PJA2: variants seen among roughly 807,000 people sequenced by gnomAD.
PJA2 encodes the protein praja ring finger ubiquitin ligase 2.
In PJA2, 25 loss-of-function variants were observed where a neutral mutation model predicts 69.3. That is an observed-to-expected ratio of 0.36 (90% CI 0.26 to 0.50). PJA2 has a LOEUF of 0.50. Ranked by LOEUF, PJA2 falls within the 20% of genes least tolerant of loss-of-function variation. The pLI is 0.96. For synonymous variants in PJA2, 308 were observed against 277.8 expected (o/e 1.11, Z -1.08); for missense variants, 809 against 830.2 (o/e 0.97, Z 0.31).
intron 7 of PJA2, among the ~76,000 whole-genome samples, chr5:109,347,870 CAGTAAATTT>C: frequency 6.6e-6 from 1 of 152,356 alleles, no homozygotes; most frequent in Non-Finnish European, 1.5e-5. Context: ...TTAATATTTA[CAGTAAATTT>C]TCCCTGTTCA....
At chr5:109,363,551 A>C (rs1762533359) in intron 5 of PJA2, among the ~76,000 whole-genome samples, 1 of 152,028 alleles carries the variant, frequency 6.6e-6, no homozygotes, top group South Asian at 2.1e-4. Context: ...TCTACCTAAA[A>C]TGTTCTTGCA....
chr5:109,398,420 T>C lies in PJA2; in HGVS notation c.-88+11422A>G, dbSNP rs1747465401. ...GACTGGATTAAGAAAATGTGGCACA[T>C]ATACACCATGCAATACTATGCAGCC... On this transcript the variant is annotated intron_variant, in intron 1 of 9. Coordinates refer to ENST00000361189, the MANE Select transcript of PJA2 (RefSeq NM_014819.5). Among the ~76,000 whole-genome samples, 3 of 151,996 alleles carry C rather than the reference T, an allele frequency of 2.0e-5. 1 individual carries two copies. Among genetic ancestry groups the C allele is most frequent in the South Asian group, 4.2e-4 (2 of 4,810 alleles).
intron 4 of PJA2, among the ~76,000 whole-genome samples, chr5:109,370,571 A>G (rs756657629): frequency 2.0e-5 from 3 of 152,208 alleles, no homozygotes; most frequent in Non-Finnish European, 2.9e-5. Context: ...GTGTTCTTTC[A>G]GCTGGGTCTA....
chr5:109,382,202 T>C (rs1403348131), intron 2 of PJA2, among the ~76,000 whole-genome samples: 2 of 152,172 alleles, frequency 1.3e-5, no homozygotes, highest in Non-Finnish European at 2.9e-5. Flanking sequence ...ATCTGTACCA[T>C]GAAGAATCAA....
At chr5:109,397,166 C>T (rs1238477531) in intron 1 of PJA2, among the ~76,000 whole-genome samples, 1 of 152,184 alleles carries the variant, frequency 6.6e-6, no homozygotes. Flanking sequence ...CAGCAGCCCT[C>T]ACCAAACACT....
intron 1 of PJA2, among the ~76,000 whole-genome samples, chr5:109,406,040 A>ATTT (rs35924063): frequency 2.9e-5 from 3 of 103,424 alleles, no homozygotes; most frequent in East Asian, 2.5e-4. Flanking sequence ...AGACAAACCC[A>ATTT]TTTTTTTTTT....
intron 1 of PJA2, chr5:109,390,638 C>T (rs1747261496): frequency 6.6e-6 from 1 of 151,940 alleles, no homozygotes; most frequent in Admixed American, 6.5e-5. Flanking sequence ...ATCATCTCAC[C>T]TGTCCTTTGT....
chr5:109,381,124 A>AAAG (rs1281602086), intron 3 of PJA2, among the ~76,000 whole-genome samples: 1 of 152,084 alleles, frequency 6.6e-6, no homozygotes, highest in Non-Finnish European at 1.5e-5. Context: ...AAAAAAAAAA[A>AAAG]AAGAAGAAGA....
At chr5:109,384,312 G>A (rs1460758893) in intron 1 of PJA2, among the ~76,000 whole-genome samples, 2 of 152,262 alleles carry the variant, frequency 1.3e-5, no homozygotes, top group Middle Eastern at 3.4e-3. Flanking sequence ...AAATAATGAT[G>A]TATTTATTCT....
chr5:109,341,821 A>G (rs1448794440), intron 9 of PJA2, among the ~76,000 whole-genome samples: 5 of 79,840 alleles, frequency 6.3e-5, no homozygotes, highest in Non-Finnish European at 1.0e-4. Context: ...TCCGGGAGGG[A>G]GGTGGGGGGG....
chr5:109,369,102 C>A (rs968683119), intron 4 of PJA2, among the ~76,000 whole-genome samples: 1 of 152,176 alleles, frequency 6.6e-6, no homozygotes, highest in Admixed American at 6.5e-5. Flanking sequence ...CTTCCTGAGG[C>A]ACCCCCAAGA....
rs558498681 is a variant in PJA2, at chr5:109,352,846, A to G, written c.1764+3069T>C. Among the ~76,000 whole-genome samples the G allele has an allele frequency of 4.0e-5, 6 of 150,640 alleles. No individual in the cohort carries two copies. In the South Asian group the frequency reaches 1.3e-3, roughly 31 times the overall value. On this transcript the variant is annotated intron_variant, in intron 7 of 9. Coordinates refer to ENST00000361189, the MANE Select transcript of PJA2 (RefSeq NM_014819.5). ...ATATCTATAGACATCTATATATTAG[A>G]TATCTACAATATCATAGACATCTAT...
chr5:109,401,790 A>C (rs561887538), intron 1 of PJA2, among the ~76,000 whole-genome samples: 1 of 152,322 alleles, frequency 6.6e-6, no homozygotes, highest in Non-Finnish European at 1.5e-5. Flanking sequence ...CCACTATAAC[A>C]CAGAAAATCA....
intron 1 of PJA2, among the ~76,000 whole-genome samples, chr5:109,399,911 C>T (rs1304559106): frequency 6.6e-6 from 1 of 151,620 alleles, no homozygotes; most frequent in Non-Finnish European, 1.5e-5. Flanking sequence ...AATGGAAATG[C>T]AAAAAATAAA....
At chr5:109,339,713 TCTAA>T (rs1381773986) in intron 9 of PJA2, among the ~76,000 whole-genome samples, 1 of 152,236 alleles carries the variant, frequency 6.6e-6, no homozygotes, top group Non-Finnish European at 1.5e-5. Flanking sequence ...TCTACTGAAT[TCTAA>T]CTTTCATTAG....
chr5:109,353,960 T>TGATATCTAGAGATATCTATAGATTAGATA lies in PJA2; in HGVS notation c.1764+1926_1764+1954dup, dbSNP rs1561345522. 1.1e-3 allele frequency among the ~76,000 whole-genome samples: 149 copies of TGATATCTAGAGATATCTATAGATTAGATA among 131,008 alleles called. 6 individuals carry two copies. Among genetic ancestry groups the TGATATCTAGAGATATCTATAGATTAGATA allele is most frequent in the African/African-American group, 2.2e-3 (80 of 35,686 alleles). The allele number at this position is 131,008 out of a possible 152,430, so 85.9% of individuals were successfully genotyped here. A position where few individuals can be genotyped will look rare whatever the true frequency, so the allele number is the denominator to read the frequency against. On this transcript the variant is annotated intron_variant, in intron 7 of 9. Transcript: ENST00000361189. ...GAGATATCTATAGATTAGATGTCTATGATATCTAGAGATATCTATAGATTA... is the reference window on the plus strand; with the variant it reads ...GAGATATCTATAGATTAGATGTCTATGATATCTAGAGATATCTATAGATTAGATAGATATCTAGAGATATCTATAGATTA...
intron 1 of PJA2, among the ~76,000 whole-genome samples, chr5:109,388,109 A>G (rs1188390772): frequency 6.6e-6 from 1 of 152,160 alleles, no homozygotes; most frequent in African/African-American, 2.4e-5. Flanking sequence ...GTGATGTGCA[A>G]GAATAGGGTA....
intron 2 of PJA2, among the ~76,000 whole-genome samples, chr5:109,382,617 G>A (rs1317850484): frequency 6.6e-6 from 1 of 152,132 alleles, no homozygotes; most frequent in African/African-American, 2.4e-5. Context: ...GGAGGATGAG[G>A]CAGTCGGATC....
At position 109,337,223 on chromosome 5, in the gene PJA2, G is replaced by C. The variant is rs185577591; in HGVS notation, c.*8C>G. 2.6e-5 allele frequency: 42 copies of C among 1,612,634 alleles called. 2 individuals carry two copies. In the Admixed American group the frequency reaches 5.7e-4, roughly 22 times the overall value. ...TTGATACACTGATCTCATTTCAACTGTCAAGGTTTAGGGTGCTTCTGCAAT... is the reference window on the plus strand; with the variant it reads ...TTGATACACTGATCTCATTTCAACTCTCAAGGTTTAGGGTGCTTCTGCAAT... On this transcript the variant is annotated 3_prime_UTR_variant, in exon 10 of 10. Transcript: ENST00000361189.
Sources: gnomAD v4.1 joint callset for allele counts (sites outside exome capture counted in the v4.1 genomes callset) on GRCh38, gnomAD v4.1.1 for gene constraint, MANE v1.5 for transcripts, NCBI Gene and HGNC (gene_info 2026-07-23, HGNC 2026-07-21) for gene names.